The following PIK3C2A variants were observed in gnomAD, a reference collection of about 807,000 sequenced individuals.
The protein encoded by PIK3C2A is phosphatidylinositol-4-phosphate 3-kinase catalytic subunit type 2 alpha.
PIK3C2A carries 97 observed loss-of-function variants against 204.5 expected under a neutral mutation model. That is an observed-to-expected ratio of 0.47 (90% CI 0.40 to 0.56). PIK3C2A has a LOEUF of 0.56. Ranked by LOEUF, PIK3C2A falls within the 20% of genes least tolerant of loss-of-function variation. The pLI is 0.00. For missense variants in PIK3C2A, 1,735 were observed against 1,969.2 expected (o/e 0.88, Z 2.25); for synonymous variants, 653 against 664.4 (o/e 0.98, Z 0.26).
intron 22 of PIK3C2A, among the ~76,000 whole-genome samples, chr11:17,105,704 T>C (rs1226862114): frequency 1.3e-5 from 2 of 152,240 alleles, no homozygotes; most frequent in Admixed American, 6.5e-5. Context: ...GCTTCATTCA[T>C]GTCCCTGCAA....
At chr11:17,202,495 G>A (rs190890139) in intron 1 of PIK3C2A, among the ~76,000 whole-genome samples, 36 of 151,160 alleles carry the variant, frequency 2.4e-4, no homozygotes, top group African/African-American at 7.8e-4. Context: ...AATCACCCAA[G>A]TGTGGGAGGC....
At chr11:17,171,921 A>AT (rs951329705) in intron 1 of PIK3C2A, among the ~76,000 whole-genome samples, 4 of 152,072 alleles carry the variant, frequency 2.6e-5, no homozygotes, top group African/African-American at 4.8e-5. Flanking sequence ...TTTGAAATGC[A>AT]TTTTTTTTAA....
intron 22 of PIK3C2A, among the ~76,000 whole-genome samples, chr11:17,109,379 G>C (rs532744242): frequency 6.6e-6 from 1 of 152,238 alleles, no homozygotes; most frequent in South Asian, 2.1e-4. Context: ...TGTTGAATAA[G>C]AATAATGATG....
intron 8 of PIK3C2A, chr11:17,138,093 A>AC (rs1163529851): frequency 3.4e-5 from 24 of 708,110 alleles, no homozygotes; most frequent in Non-Finnish European, 5.6e-5. Flanking sequence ...ACATGGAATC[A>AC]CCATAGGCCC....
Position 17,089,845 on chromosome 11 carries a change from G to A in PIK3C2A, c.4954C>T (p.Leu1652=). 6.2e-7 allele frequency: 1 copy of A among 1,613,782 alleles called. No individual in the cohort carries two copies. The highest frequency in any genetic ancestry group is 2.2e-5 in the East Asian group (1 of 44,868). Residue 1652 remains leucine, a synonymous_variant, in exon 33 of 33, where the codon CTG becomes TTG. Coordinates refer to ENST00000691414, the MANE Select transcript of PIK3C2A (RefSeq NM_002645.4). The part of the protein sequence containing the change: ...LQLSVLSAES[L]RENFFLGGVT... ...CCACCCAAGAAAAAATTCTCCCGCA[G>A]AGATTCTGCACTGAGTACACTTAGT...
chr11:17,169,104 G>C lies in PIK3C2A; in HGVS notation c.638C>G (p.Pro213Arg), dbSNP rs772021666. 1.2e-6 allele frequency: 2 copies of C among 1,614,190 alleles called. No individual in the cohort carries two copies. Among genetic ancestry groups the C allele is most frequent in the Admixed American group, 1.7e-5 (1 of 60,028 alleles). Residue 213 changes from proline to arginine, a missense_variant, in exon 2 of 33, where the codon CCT becomes CGT. Pro to Arg is a moderately radical substitution (Grantham distance 103). Coordinates refer to ENST00000691414, the MANE Select transcript of PIK3C2A (RefSeq NM_002645.4). Reference protein sequence around the residue: ...ATPFHPQGSLPIYRPVVSTDM... With the variant: ...ATPFHPQGSLRIYRPVVSTDM... The stretch of plus-strand genomic sequence containing the variant: ...AGTACTGACTACTGGACGATAGATA[G>C]GTAAGCTTCCTTGTGGATGAAAGGG...
At chr11:17,100,172 G>A (rs910683325) in intron 25 of PIK3C2A, among the ~76,000 whole-genome samples, 4 of 146,238 alleles carry the variant, frequency 2.7e-5, no homozygotes, top group Non-Finnish European at 5.9e-5. Context: ...ATTTGTTGGT[G>A]GTGGTCAAAA....
intron 5 of PIK3C2A, 166 bp downstream of exon 5, chr11:17,148,501 G>T: frequency 1.6e-6 from 1 of 609,936 alleles, no homozygotes; most frequent in Non-Finnish European, 2.8e-6. Context: ...TCTTAGACAT[G>T]ACATCTTAGA....
At chr11:17,178,713 ATTTTTT>A (rs569882194) in intron 1 of PIK3C2A, among the ~76,000 whole-genome samples, 2 of 9,826 alleles carry the variant, frequency 2.0e-4, no homozygotes, top group Non-Finnish European at 3.5e-4. Flanking sequence ...TGATTTTTGA[ATTTTTT>A]TTTTTTTTTT....
At chr11:17,206,865 G>A (rs1370962424) in intron 1 of PIK3C2A, among the ~76,000 whole-genome samples, 2 of 152,108 alleles carry the variant, frequency 1.3e-5, no homozygotes, top group East Asian at 1.9e-4. Context: ...AACCCACCAG[G>A]AAAGATTTCA....
In PIK3C2A at chr11:17,089,727, C is replaced by G. The variant is rs751999259; in HGVS notation, c.*11G>C. The G allele has an allele frequency of 2.5e-6, 4 of 1,595,476 alleles. No individual in the cohort carries two copies. Among genetic ancestry groups the G allele is most frequent in the Non-Finnish European group, 3.4e-6 (4 of 1,164,442 alleles). ...ACTGTTCATGCTTCCAAAGCTCAAA[C>G]ATTCACTAGTTTACAAGTATGTTGC... On this transcript the variant is annotated 3_prime_UTR_variant, in exon 33 of 33. Coordinates refer to ENST00000691414, the MANE Select transcript of PIK3C2A (RefSeq NM_002645.4).
intron 1 of PIK3C2A, among the ~76,000 whole-genome samples, chr11:17,198,486 CTG>C (rs1181460284): frequency 1.3e-5 from 2 of 152,092 alleles, no homozygotes; most frequent in Admixed American, 6.6e-5. Context: ...ACAGATAATA[CTG>C]TGTTTTCAGA....
chr11:17,128,653 C>T (rs780534998), intron 13 of PIK3C2A, among the ~76,000 whole-genome samples: 6 of 152,142 alleles, frequency 3.9e-5, no homozygotes, highest in Non-Finnish European at 8.8e-5. Context: ...AACTCTTGAT[C>T]ATCTCATGAA....
At chr11:17,125,002 T>C (rs771612535) in intron 13 of PIK3C2A, among the ~76,000 whole-genome samples, 1 of 152,232 alleles carries the variant, frequency 6.6e-6, no homozygotes, top group Non-Finnish European at 1.5e-5. Context: ...CAGTTGGTAT[T>C]GTATACTACT....
At chr11:17,096,521 CAA>C (rs993230056) in intron 27 of PIK3C2A, among the ~76,000 whole-genome samples, 3 of 151,852 alleles carry the variant, frequency 2.0e-5, no homozygotes, top group African/African-American at 7.3e-5. Context: ...AATAAACACA[CAA>C]AAAGATACTA....
intron 26 of PIK3C2A, among the ~76,000 whole-genome samples, chr11:17,097,975 A>G (rs1280347206): frequency 6.6e-6 from 1 of 152,202 alleles, no homozygotes; most frequent in East Asian, 1.9e-4. Context: ...ATTCTCTCCT[A>G]TCAAACAGTA....
At chr11:17,197,797 C>G (rs1193459976) in intron 1 of PIK3C2A, among the ~76,000 whole-genome samples, 1 of 152,106 alleles carries the variant, frequency 6.6e-6, no homozygotes, top group Non-Finnish European at 1.5e-5. Context: ...TCCAACATGA[C>G]AGATAACAGT....
intron 22 of PIK3C2A, among the ~76,000 whole-genome samples, chr11:17,107,807 G>A (rs1174635591): frequency 6.6e-6 from 1 of 152,222 alleles, no homozygotes; most frequent in Non-Finnish European, 1.5e-5. Flanking sequence ...TAGAAAGTAT[G>A]TGGGGACAGA....
Position 17,102,662 on chromosome 11 carries a change from C to G in PIK3C2A, c.3851G>C (p.Arg1284Thr). The stretch of plus-strand genomic sequence containing the variant: ...TTTGGCAACAGCAATAACATTATAC[C>G]TTTTGAAGCTGCCAAACATCTGTGC... The part of the protein sequence containing the change: ...GHAQMFGSFK[R>T]DRAPFVLTSD... Residue 1284 changes from arginine to threonine, a missense_variant and splice_region_variant, in exon 24 of 33, where the codon AGG (arginine) becomes ACG (threonine). This residue lies in a region of PIK3C2A where 503 missense variants were observed against 669.0 expected (regional missense o/e 0.75). Coordinates refer to ENST00000691414, the MANE Select transcript of PIK3C2A (RefSeq NM_002645.4). 6.2e-7 allele frequency: 1 copy of G among 1,606,122 alleles called. No homozygotes were observed. Among genetic ancestry groups the G allele is most frequent in the South Asian group, 1.1e-5 (1 of 89,170 alleles).
Sources: gnomAD v4.1 joint callset for allele counts (sites outside exome capture counted in the v4.1 genomes callset) on GRCh38, gnomAD v4.1.1 for gene constraint, gnomAD v4.1.1 regional missense constraint, MANE v1.5 for transcripts, NCBI Gene and HGNC (gene_info 2026-07-23, HGNC 2026-07-21) for gene names.